The following MLXIP variants were observed in gnomAD, a reference collection of about 807,000 sequenced individuals.
The protein encoded by MLXIP is MLX interacting protein.
A neutral mutation model predicts 87.2 loss-of-function variants in MLXIP; 30 were observed. The ratio of observed to expected loss-of-function variants is 0.34; its 90% CI spans 0.26 to 0.47. The LOEUF is 0.47. Ranked by LOEUF, MLXIP falls within the 20% of genes least tolerant of loss-of-function variation. MLXIP has a pLI of 1.00. For synonymous variants in MLXIP, 530 were observed against 514.0 expected, an observed-to-expected ratio of 1.03 and a Z score of -0.42; for missense variants, 1,002 against 1,240.1, an observed-to-expected ratio of 0.81 and a Z score of 2.88.
intron 1 of MLXIP, among the ~76,000 whole-genome samples, chr12:122,080,955 G>A (rs377484373): frequency 1.3e-5 from 2 of 152,056 alleles, no homozygotes; most frequent in African/African-American, 4.8e-5. Flanking sequence ...TGAGTCACGG[G>A]GGGCATGGAC....
At position 122,137,194 on chromosome 12, in the gene MLXIP, T is replaced by C. The variant is rs1385973018; in HGVS notation, c.2033-275T>C. 2.9e-5 allele frequency: 8 copies of C among 279,208 alleles called. No homozygotes were observed. Among genetic ancestry groups the C allele is most frequent in the African/African-American group, 8.7e-5 (4 of 45,794 alleles). The allele number at this position is 279,208 out of a possible 1,614,324, so 17.3% of individuals were successfully genotyped here. A position where few individuals can be genotyped will look rare whatever the true frequency, so the allele number is the denominator to read the frequency against. On this transcript the variant is annotated intron_variant, in intron 11 of 16. Coordinates refer to ENST00000319080, the MANE Select transcript of MLXIP (RefSeq NM_014938.6). This position sits in a 1 kb window ranked among gnomAD's most constrained non-coding sequence, Gnocchi z 4.1. ...TAATAAAGAGCCCACCTGCGAAATA[T>C]CTCGTAAAGCGACACCAGTGACTGG...
At chr12:122,095,297 T>A (rs1056765016) in intron 1 of MLXIP, among the ~76,000 whole-genome samples, 1 of 151,440 alleles carries the variant, frequency 6.6e-6, no homozygotes, top group Non-Finnish European at 1.5e-5. Flanking sequence ...GTTGTGTGTG[T>A]GGGGGGGTGT....
At position 122,135,754 on chromosome 12, in the gene MLXIP, C is replaced by A; in HGVS notation, c.2032+88C>A. The stretch of plus-strand genomic sequence containing the variant: ...ACCATGGGGGGTGCTTGCTGGGTCC[C>A]CAGGACGGAGCCTGGGCTTAGGACA... On this transcript the variant is annotated intron_variant, in intron 11 of 16. Transcript: ENST00000319080. The surrounding 1 kb of genome is among the most constrained non-coding windows in gnomAD (Gnocchi z 5.3). 1.4e-6 allele frequency: 2 copies of A among 1,402,850 alleles called. 1 individual carries two copies. The highest frequency in any genetic ancestry group is 3.0e-5 in the South Asian group (2 of 66,652). The allele number at this position is 1,402,850 out of a possible 1,614,324, so 86.9% of individuals were successfully genotyped here.
intron 1 of MLXIP, among the ~76,000 whole-genome samples, chr12:122,080,847 A>G (rs1952080335): frequency 6.6e-6 from 1 of 152,232 alleles, no homozygotes. Context: ...CTTTTCAAAC[A>G]AAGCTCGAGG....
intron 3 of MLXIP, chr12:122,128,902 GCCC>G: frequency 1.8e-6 from 1 of 541,600 alleles, no homozygotes; most frequent in Non-Finnish European, 3.3e-6. Context: ...TCAGGACCGT[GCCC>G]CCAAGGCCTT....
Position 122,138,287 on chromosome 12 carries a change from TC to T in MLXIP, c.2250del (p.Lys751SerfsTer2). On this transcript the variant is annotated frameshift_variant, in exon 13 of 17. Transcript: ENST00000319080. LOFTEE classifies it high-confidence loss of function. ...DMLNSLISNN[S>X]KLTSHAITLQ... Reference sequence around the variant, plus strand: ...GCTCAACAGCCTCATCTCCAACAATTCCAAGCTGGTGAGTTGCCAAGAGCGT... The same window carrying T: ...GCTCAACAGCCTCATCTCCAACAATTCAAGCTGGTGAGTTGCCAAGAGCGT... The T allele has an allele frequency of 6.2e-7, 1 of 1,613,688 alleles. No individual in the cohort carries two copies. Among genetic ancestry groups the T allele is most frequent in the Non-Finnish European group, 8.5e-7 (1 of 1,179,788 alleles).
intron 11 of MLXIP, chr12:122,136,457 TGCAAAAAAAAAAA>T (rs1292158484): frequency 1.3e-5 from 1 of 74,300 alleles, no homozygotes; most frequent in Non-Finnish European, 2.6e-5. Flanking sequence ...TATCAAAAAA[TGCAAAAAAAAAAA>T]AAAAAAAAAA....
At chr12:122,127,134 G>A (rs988962380) in intron 1 of MLXIP, 122 bp from the exon 2 acceptor site, 12 of 771,788 alleles carry the variant, frequency 1.6e-5, no homozygotes, top group Non-Finnish European at 1.8e-5. Flanking sequence ...CCATGAAGCC[G>A]GGTGTATGGC....
chr12:122,130,038 C>G lies in MLXIP; in HGVS notation c.836C>G (p.Ser279Trp). Residue 279 changes from serine to tryptophan, a missense_variant, in exon 6 of 17, where the codon TCG becomes TGG. Ser to Trp is a radical substitution (Grantham distance 177, BLOSUM62 -3). Around this residue, in one of 3 missense-constraint regions of MLXIP, gnomAD observed 746 missense variants for 897.0 expected, o/e 0.83. Coordinates refer to ENST00000319080, the MANE Select transcript of MLXIP (RefSeq NM_014938.6). ...DPLLDTDMLM[S>W]EFSDTLFSTL... Reference sequence around the variant, plus strand: ...CTGCTGGACACAGACATGCTCATGTCGGAATTCAGCGACACCCTCTTCTCC... The same window carrying G: ...CTGCTGGACACAGACATGCTCATGTGGGAATTCAGCGACACCCTCTTCTCC... The G allele has an allele frequency of 6.2e-7, 1 of 1,613,974 alleles. No homozygotes were observed. Among genetic ancestry groups the G allele is most frequent in the Non-Finnish European group, 8.5e-7 (1 of 1,179,884 alleles).
intron 15 of MLXIP, among the ~76,000 whole-genome samples, chr12:122,140,510 T>A (rs1349312085): frequency 6.6e-6 from 1 of 151,802 alleles, no homozygotes; most frequent in Non-Finnish European, 1.5e-5. Flanking sequence ...GCCAGGCTGG[T>A]CTCAAACTCC....
chr12:122,114,064 C>T (rs1170700879), intron 1 of MLXIP, among the ~76,000 whole-genome samples: 3 of 148,272 alleles, frequency 2.0e-5, no homozygotes, highest in African/African-American at 7.5e-5. Context: ...TGGCTCACCG[C>T]GCAACCTCTG....
chr12:122,132,018 G>T (rs1007402839), intron 7 of MLXIP, among the ~76,000 whole-genome samples: 3 of 147,032 alleles, frequency 2.0e-5, no homozygotes, highest in Admixed American at 1.4e-4. Context: ...CTGCCTCCTG[G>T]GTTCAAGCCA....
At chr12:122,084,144 TTGTGTGTGTGTGTGTGTGTGTGTGTGTG>T (rs746678463) in intron 1 of MLXIP, among the ~76,000 whole-genome samples, 33 of 138,164 alleles carry the variant, frequency 2.4e-4, no homozygotes, top group Non-Finnish European at 4.1e-4. Flanking sequence ...CTCAGCCAGA[TTGTGTGTGTGTGTGTGTGTGTGTGTGTG>T]TGTGTGTGTG....
At position 122,135,676 on chromosome 12, in the gene MLXIP, C is replaced by A; in HGVS notation, c.2032+10C>A. The A allele has an allele frequency of 6.8e-7, 1 of 1,480,038 alleles. No homozygotes were observed. Among genetic ancestry groups the A allele is most frequent in the East Asian group, 2.5e-5 (1 of 40,656 alleles). 91.7% of individuals were successfully genotyped at this position (1,480,038 alleles called of 1,614,324 possible). ...ACTGTCACAGGGCCCAGTGAGTGTT[C>A]ACTCGGCGGGATGGTTGGGGCATCG... On this transcript the variant is annotated intron_variant, in intron 11 of 16. Transcript: ENST00000319080. The surrounding 1 kb of genome is among the most constrained non-coding windows in gnomAD (Gnocchi z 5.3).
intron 1 of MLXIP, among the ~76,000 whole-genome samples, chr12:122,119,034 C>T (rs28506952): frequency 0.51 from 76,397 of 151,128 alleles, 19,791 homozygotes; most frequent in Middle Eastern, 0.64. Flanking sequence ...GGCATGGTGG[C>T]GGCGGGCATC....
intron 1 of MLXIP, among the ~76,000 whole-genome samples, chr12:122,095,479 C>G (rs1321377105): frequency 6.6e-6 from 1 of 151,928 alleles, no homozygotes; most frequent in Non-Finnish European, 1.5e-5. Context: ...ATTCAAATAG[C>G]GTTTGTATTT....
intron 1 of MLXIP, among the ~76,000 whole-genome samples, chr12:122,115,542 C>T (rs1416361459): frequency 2.9e-5 from 4 of 136,842 alleles, no homozygotes; most frequent in African/African-American, 1.1e-4. Flanking sequence ...GAGTGAAGAT[C>T]GCACCATTGC....
intron 1 of MLXIP, among the ~76,000 whole-genome samples, chr12:122,109,091 C>T (rs1353716122): frequency 2.0e-5 from 3 of 152,200 alleles, no homozygotes; most frequent in African/African-American, 4.8e-5. Flanking sequence ...CACCACCACA[C>T]CTGGCTAATT....
At chr12:122,140,240 T>G (rs889111481) in intron 15 of MLXIP, among the ~76,000 whole-genome samples, 3 of 152,218 alleles carry the variant, frequency 2.0e-5, no homozygotes, top group Non-Finnish European at 2.9e-5. Context: ...CATGCACTTT[T>G]GCATTTAACA....
Sources: gnomAD v4.1 joint callset for allele counts (sites outside exome capture counted in the v4.1 genomes callset) on GRCh38, gnomAD v4.1.1 for gene constraint, gnomAD v4.1.1 regional missense constraint, Gnocchi (gnomAD v3.1) non-coding constraint, MANE v1.5 for transcripts, NCBI Gene and HGNC (gene_info 2026-07-23, HGNC 2026-07-21) for gene names.